The following FAM53A variants were observed in gnomAD, a reference collection of about 807,000 sequenced individuals.
FAM53A encodes family with sequence similarity 53 member A.
FAM53A carries 28 observed loss-of-function variants against 26.6 expected under a neutral mutation model. The observed-to-expected ratio is 1.05, with a 90% confidence interval of 0.78 to 1.45. FAM53A has a LOEUF of 1.45. Among genes scored for constraint, FAM53A ranks in the 40% most tolerant of loss-of-function variants. The pLI, the probability that FAM53A is intolerant of heterozygous loss-of-function variation, is 0.00. For synonymous variants in FAM53A, 290 were observed against 253.1 expected, an observed-to-expected ratio of 1.15 and a Z score of -1.38; for missense variants, 650 against 575.8, an observed-to-expected ratio of 1.13 and a Z score of -1.32.
At chr4:1,631,966 C>G (rs1454134929) in intron 1 of FAM53A, among the ~76,000 whole-genome samples, 1 of 152,076 alleles carries the variant, frequency 6.6e-6, no homozygotes, top group African/African-American at 2.4e-5. Context: ...AGTCTGAGAC[C>G]AGCCTGGCCA....
intron 1 of FAM53A, among the ~76,000 whole-genome samples, chr4:1,627,571 G>A (rs1206929426): frequency 6.6e-6 from 1 of 152,316 alleles, no homozygotes; most frequent in South Asian, 2.1e-4. Context: ...GCATGGTGGA[G>A]AGCTGGGGCT....
intron 1 of FAM53A, among the ~76,000 whole-genome samples, chr4:1,671,874 A>T (rs546083363): frequency 2.0e-5 from 3 of 152,382 alleles, no homozygotes; most frequent in African/African-American, 7.2e-5. Flanking sequence ...ATTTTATTTT[A>T]AAAACAGGCC....
intron 4 of FAM53A, among the ~76,000 whole-genome samples, chr4:1,647,792 G>GTA (rs1393514251): frequency 6.6e-6 from 1 of 152,220 alleles, no homozygotes; most frequent in African/African-American, 2.4e-5. Context: ...TGCATGGTGG[G>GTA]TATGTGTGTG....
chr4:1,644,091 G>C lies in FAM53A; in HGVS notation c.883-2484C>G, dbSNP rs1712009681. ...GTCTGGTGTCACCCGTGACCTTGCA[G>C]ACTCTGGCTGCCGTGCTGCCCACAC... is the stretch of plus-strand genomic sequence containing the variant. On this transcript the variant is annotated intron_variant, in intron 4 of 4. Transcript: ENST00000308132. The C allele has an allele frequency of 2.1e-5, 30 of 1,452,292 alleles. No homozygotes were observed. In the South Asian group the frequency reaches 4.0e-4, roughly 19 times the overall value. The allele number at this position is 1,452,292 out of a possible 1,614,324, so 90.0% of individuals were successfully genotyped here. A position where few individuals can be genotyped will look rare whatever the true frequency, so the allele number is the denominator to read the frequency against.
rs569916132 is a variant in FAM53A at position 1,643,323 on chromosome 4, A to G, written c.883-1716T>C. Among the ~76,000 whole-genome samples, 662 of 151,786 alleles carry G rather than the reference A, an allele frequency of 4.4e-3. 7 individuals are homozygous for G. The highest frequency in any genetic ancestry group is 0.015 in the African/African-American group (627 of 41,404). ...CTACTAAAAATACAAAAAATTAACCAGGCGTGGTGGCGGGCGCCTGTAGTC... is the reference window on the plus strand; with the variant it reads ...CTACTAAAAATACAAAAAATTAACCGGGCGTGGTGGCGGGCGCCTGTAGTC... On this transcript the variant is annotated intron_variant, in intron 4 of 4. Coordinates refer to ENST00000308132, the MANE Select transcript of FAM53A (RefSeq NM_001174070.3).
downstream of FAM53A, among the ~76,000 whole-genome samples, chr4:1,616,792 TTGGC>T (rs1382103257): frequency 6.6e-6 from 1 of 152,182 alleles, no homozygotes; most frequent in Non-Finnish European, 1.5e-5. Context: ...CTTGGCTGCT[TTGGC>T]TGGCTGAGCT....
the FAM53A span, among the ~76,000 whole-genome samples, chr4:1,595,707 A>G: frequency 6.6e-6 from 1 of 152,238 alleles, no homozygotes; most frequent in Non-Finnish European, 1.5e-5. Context: ...AGCTCCCAGG[A>G]GCCAGGCCCG....
chr4:1,583,374 C>T, the FAM53A span, among the ~76,000 whole-genome samples: 1 of 152,218 alleles, frequency 6.6e-6, no homozygotes, highest in African/African-American at 2.4e-5. Flanking sequence ...ATCTTAGACC[C>T]AGCACAGGCC....
intron 4 of FAM53A, among the ~76,000 whole-genome samples, chr4:1,649,895 GCGTGGCGTTTGAC>G (rs1712602971): frequency 6.7e-6 from 1 of 149,352 alleles, no homozygotes; most frequent in African/African-American, 2.5e-5. Context: ...GGTGGCACAG[GCGTGGCGTTTGAC>G]TGTGAGGTGG....
At chr4:1,595,301 G>A in the FAM53A span, among the ~76,000 whole-genome samples, 21 of 152,222 alleles carry the variant, frequency 1.4e-4, no homozygotes, top group Non-Finnish European at 2.5e-4. Flanking sequence ...TTGTACAGAC[G>A]CTGCCATGGT....
chr4:1,660,617 G>A lies in FAM53A; in HGVS notation c.76-3149C>T, dbSNP rs573726458. ...ACCTAAAAGTTTTTAGGCTGGGCACGGTGGCTCACGCCTGTAATCCCAGCT... is the reference window on the plus strand; with the variant it reads ...ACCTAAAAGTTTTTAGGCTGGGCACAGTGGCTCACGCCTGTAATCCCAGCT... On this transcript the variant is annotated intron_variant, in intron 2 of 4. Coordinates refer to ENST00000308132, the MANE Select transcript of FAM53A (RefSeq NM_001174070.3). 7.9e-5 allele frequency among the ~76,000 whole-genome samples: 12 copies of A among 152,132 alleles called. No homozygotes were observed. The South Asian group carries it at 2.1e-3, about 26-fold the overall frequency.
At chr4:1,636,005 G>A (rs893472426), downstream of FAM53A, among the ~76,000 whole-genome samples, 9 of 151,902 alleles carry the variant, frequency 5.9e-5, no homozygotes, top group South Asian at 2.1e-4. Flanking sequence ...CACCACGCCC[G>A]GCTAATTTTC....
At chr4:1,610,896 C>A in the FAM53A span, among the ~76,000 whole-genome samples, 4 of 152,222 alleles carry the variant, frequency 2.6e-5, no homozygotes, top group Non-Finnish European at 4.4e-5. Context: ...CCCCGACTCA[C>A]CCCTGGACCA....
chr4:1,634,910 A>T (rs1042557518), downstream of FAM53A, among the ~76,000 whole-genome samples: 3 of 152,086 alleles, frequency 2.0e-5, no homozygotes, highest in Non-Finnish European at 2.9e-5. Context: ...CAAAAAAAAA[A>T]AAATAAAAAA....
chr4:1,680,706 G>A (rs1715375591), intron 1 of FAM53A, among the ~76,000 whole-genome samples: 1 of 152,040 alleles, frequency 6.6e-6, no homozygotes, highest in African/African-American at 2.4e-5. Flanking sequence ...CTAAGTGAAA[G>A]AAACGGGTCT....
At chr4:1,643,346 G>T (rs531969786) in intron 4 of FAM53A, among the ~76,000 whole-genome samples, 2 of 151,906 alleles carry the variant, frequency 1.3e-5, no homozygotes, top group South Asian at 4.2e-4. Flanking sequence ...GGCGCCTGTA[G>T]TCCCAGCTAC....
At chr4:1,624,683 C>T (rs919854278) in intron 1 of FAM53A, among the ~76,000 whole-genome samples, 8 of 152,208 alleles carry the variant, frequency 5.3e-5, no homozygotes, top group East Asian at 1.9e-4. Flanking sequence ...CGCCAGGTAC[C>T]GCCACGCTGC....
rs546255438 is a variant in FAM53A, at chr4:1,650,594, C to A, written c.882+4384G>T. ...TCACCGCAACCTCCGCCTCCAGGTTCAAGCGATTCTCCTGACTCAGCCTCC... is the reference window on the plus strand; with the variant it reads ...TCACCGCAACCTCCGCCTCCAGGTTAAAGCGATTCTCCTGACTCAGCCTCC... On this transcript the variant is annotated intron_variant, in intron 4 of 4. Coordinates refer to ENST00000308132, the MANE Select transcript of FAM53A (RefSeq NM_001174070.3). 4.2e-3 allele frequency among the ~76,000 whole-genome samples: 643 copies of A among 152,174 alleles called. 7 individuals are homozygous for A. The highest frequency in any genetic ancestry group is 0.015 in the African/African-American group (619 of 41,524).
At chr4:1,623,487 G>A (rs1341962511) in intron 1 of FAM53A, among the ~76,000 whole-genome samples, 12 of 152,224 alleles carry the variant, frequency 7.9e-5, no homozygotes, top group East Asian at 1.9e-4. Flanking sequence ...GATGGCCACC[G>A]GCTGGGCAGT....
Sources: allele counts gnomAD v4.1 joint callset (sites outside exome capture counted in the v4.1 genomes callset), GRCh38; gene constraint gnomAD v4.1.1; transcripts MANE v1.5; gene names NCBI Gene and HGNC (gene_info 2026-07-23, HGNC 2026-07-21).